EDN3: variants seen among roughly 807,000 people sequenced by gnomAD.
EDN3 encodes the protein endothelin-3.
EDN3 carries 9 observed loss-of-function variants against 21.4 expected under a neutral mutation model. The observed-to-expected ratio is 0.42, with a 90% CI of 0.25 to 0.73. EDN3 has a LOEUF of 0.73. Ranked by LOEUF, EDN3 falls within the 30% of genes least tolerant of loss-of-function variation. The pLI is 0.26. For missense variants in EDN3, 327 were observed against 309.4 expected, an observed-to-expected ratio of 1.06 and a Z score of -0.43; for synonymous variants, 133 against 126.2, an observed-to-expected ratio of 1.05 and a Z score of -0.36.
At chr20:59,301,939 AACTC>A (rs938470700) in intron 2 of EDN3, among the ~76,000 whole-genome samples, 2 of 152,136 alleles carry the variant, frequency 1.3e-5, no homozygotes, top group Non-Finnish European at 2.9e-5. Context: ...GCCCAAGAGA[AACTC>A]AATCCTGAGT....
intron 2 of EDN3, among the ~76,000 whole-genome samples, chr20:59,308,193 C>T (rs1355037061): frequency 6.6e-6 from 1 of 152,156 alleles, no homozygotes; most frequent in East Asian, 1.9e-4. Context: ...GTCAGAGATG[C>T]TGGGACAGAG....
Position 59,324,391 on chromosome 20 carries a change from C to G in EDN3, c.649C>G (p.Pro217Ala). 6.2e-7 allele frequency: 1 copy of G among 1,614,168 alleles called. No homozygotes were observed. Among genetic ancestry groups the G allele is most frequent in the South Asian group, 1.1e-5 (1 of 91,072 alleles). ...AGACCTCCACCATCCAAAGCTCATG[C>G]CCGGCAGTGGACTCGCCCTCGCTCC... Reference protein sequence around the residue: ...ALDLHHPKLMPGSGLALAPST... With the variant: ...ALDLHHPKLMAGSGLALAPST... The change falls in exon 5 of 5, where the codon CCC (proline) becomes GCC (alanine). Residue 217 changes from proline (P) to alanine (A), a missense_variant. Pro to Ala is a conservative substitution (Grantham distance 27). Coordinates refer to ENST00000337938, the MANE Select transcript of EDN3 (RefSeq NM_207034.3).
intron 2 of EDN3, among the ~76,000 whole-genome samples, chr20:59,317,187 G>A (rs1224241688): frequency 2.0e-5 from 3 of 152,232 alleles, no homozygotes; most frequent in Non-Finnish European, 4.4e-5. Context: ...GAATGCTCAT[G>A]AGATATGAGT....
intron 2 of EDN3, among the ~76,000 whole-genome samples, chr20:59,307,022 G>A (rs902540486): frequency 7.2e-5 from 11 of 152,232 alleles, no homozygotes; most frequent in African/African-American, 2.7e-4. Flanking sequence ...GCATGTGCCT[G>A]TAGTCCCAGC....
chr20:59,314,103 C>T (rs1486960411), intron 2 of EDN3, among the ~76,000 whole-genome samples: 1 of 152,022 alleles, frequency 6.6e-6, no homozygotes. Context: ...GGGCAGCGGG[C>T]ACACCTGGGG....
At chr20:59,311,383 T>A (rs1051331323) in intron 2 of EDN3, among the ~76,000 whole-genome samples, 3 of 152,062 alleles carry the variant, frequency 2.0e-5, no homozygotes, top group Non-Finnish European at 4.4e-5. Flanking sequence ...CATAGAGCAG[T>A]GGTATGGGCT....
intron 2 of EDN3, among the ~76,000 whole-genome samples, chr20:59,317,994 C>T (rs2146867955): frequency 6.6e-6 from 1 of 152,296 alleles, no homozygotes; most frequent in Admixed American, 6.5e-5. Flanking sequence ...CCTCTGACGC[C>T]ACTCTGGCCA....
At chr20:59,301,376 T>G in intron 1 of EDN3, 34 bp from the exon 2 acceptor site, 1 of 1,600,870 alleles carries the variant, frequency 6.2e-7, no homozygotes, top group Non-Finnish European at 8.5e-7. Flanking sequence ...GTCTGCACAC[T>G]CAGCTTAGGA....
At chr20:59,304,615 G>C (rs1401878200) in intron 2 of EDN3, among the ~76,000 whole-genome samples, 1 of 152,208 alleles carries the variant, frequency 6.6e-6, no homozygotes, top group Non-Finnish European at 1.5e-5. Flanking sequence ...AAATTGCTCT[G>C]AGTACGGTCA....
chr20:59,306,000 C>G lies in EDN3; in HGVS notation c.365+4278C>G, dbSNP rs1600725331. Reference sequence around the variant, plus strand: ...CGAACCACATTTCATGGCGGACCAGCCCCTCAGAGCCTGGCTGAAGACTGA... The same window carrying G: ...CGAACCACATTTCATGGCGGACCAGGCCCTCAGAGCCTGGCTGAAGACTGA... On this transcript the variant is annotated intron_variant, in intron 2 of 4. Transcript: ENST00000337938. This position sits in a 1 kb window ranked among gnomAD's most constrained non-coding sequence, Gnocchi z 4.2. Among the ~76,000 whole-genome samples the G allele has an allele frequency of 1.3e-5, 2 of 152,278 alleles. No individual in the cohort carries two copies. Among genetic ancestry groups the G allele is most frequent in the East Asian group, 3.9e-4 (2 of 5,184 alleles).
At chr20:59,317,923 A>AGGGAC (rs1390007435) in intron 2 of EDN3, among the ~76,000 whole-genome samples, 27 of 152,210 alleles carry the variant, frequency 1.8e-4, no homozygotes, top group African/African-American at 5.8e-4. Context: ...GGATCCAGTA[A>AGGGAC]TCTGCCTTTA....
At chr20:59,316,650 T>C (rs149794) in intron 2 of EDN3, among the ~76,000 whole-genome samples, 21,531 of 152,236 alleles carry the variant, frequency 0.14, 4,332 homozygotes, top group African/African-American at 0.45. Flanking sequence ...TAAAGCGTTT[T>C]CAGTGTGGTG....
At chr20:59,313,846 G>T (rs940761921) in intron 2 of EDN3, among the ~76,000 whole-genome samples, 1 of 152,208 alleles carries the variant, frequency 6.6e-6, no homozygotes. Flanking sequence ...ATATAATGAG[G>T]TCACTGAGGA....
At chr20:59,310,180 G>A (rs1354907898) in intron 2 of EDN3, among the ~76,000 whole-genome samples, 1 of 152,152 alleles carries the variant, frequency 6.6e-6, no homozygotes, top group African/African-American at 2.4e-5. Flanking sequence ...AGGGGGAGCT[G>A]TAAAGGGTGA....
intron 2 of EDN3, among the ~76,000 whole-genome samples, chr20:59,312,612 G>C (rs1188191508): frequency 1.3e-5 from 2 of 152,200 alleles, no homozygotes; most frequent in Non-Finnish European, 2.9e-5. Context: ...AGTGTAAACA[G>C]TTTGGGCTAA....
intron 2 of EDN3, among the ~76,000 whole-genome samples, chr20:59,317,102 A>G (rs1990234508): frequency 6.6e-6 from 1 of 152,222 alleles, no homozygotes; most frequent in South Asian, 2.1e-4. Flanking sequence ...CTTCACGTTC[A>G]TGGTCCACCG....
At chr20:59,320,907 C>T in intron 2 of EDN3, 110 bp from the exon 3 acceptor site, 1 of 1,173,308 alleles carries the variant, frequency 8.5e-7, no homozygotes, top group East Asian at 2.4e-5. Flanking sequence ...TTGTGAACAC[C>T]AGTTTCTGAG....
intron 2 of EDN3, among the ~76,000 whole-genome samples, chr20:59,307,500 C>T (rs1989507683): frequency 6.6e-6 from 1 of 152,204 alleles, no homozygotes. Flanking sequence ...AAGCCTCCTC[C>T]TGTGTGCATG....
At chr20:59,321,616 G>A (rs907286806) in intron 3 of EDN3, among the ~76,000 whole-genome samples, 1 of 152,138 alleles carries the variant, frequency 6.6e-6, no homozygotes, top group Non-Finnish European at 1.5e-5. Context: ...GGAGGGGGGG[G>A]AACCCAGCAC....
Sources: allele counts gnomAD v4.1 joint callset (sites outside exome capture counted in the v4.1 genomes callset), GRCh38; gene constraint gnomAD v4.1.1; non-coding constraint Gnocchi (gnomAD v3.1); transcripts MANE v1.5; gene names NCBI Gene and HGNC (gene_info 2026-07-23, HGNC 2026-07-21).